Variants in AJAP1 observed in about 807,000 individuals in gnomAD.
AJAP1 encodes the protein adherens junctions associated protein 1, also known as adherens junction-associated protein 1.
In AJAP1, 5 loss-of-function variants were observed where a neutral mutation model predicts 35.0. The ratio of observed to expected loss-of-function variants is 0.14; its 90% CI spans 0.07 to 0.30. The LOEUF is 0.30. AJAP1 is among the 10% of genes least tolerant of loss of function. The pLI is 1.00. For missense variants in AJAP1, 586 were observed against 571.0 expected, an observed-to-expected ratio of 1.03 and a Z score of -0.27; for synonymous variants, 284 against 249.3, an observed-to-expected ratio of 1.14 and a Z score of -1.31.
intron 2 of AJAP1, among the ~76,000 whole-genome samples, chr1:4,758,674 G>A (rs564073998): frequency 6.6e-6 from 1 of 152,184 alleles, no homozygotes; most frequent in Admixed American, 6.5e-5. Context: ...GATGAGATTT[G>A]GGTGGGGACA....
intron 1 of AJAP1, among the ~76,000 whole-genome samples, chr1:4,691,788 C>T (rs1639745446): frequency 1.3e-5 from 2 of 152,090 alleles, no homozygotes; most frequent in South Asian, 2.1e-4. Flanking sequence ...GTGGTGAAAA[C>T]GTGTGTGGGG....
chr1:4,751,395 C>T (rs1641317774), intron 2 of AJAP1, among the ~76,000 whole-genome samples: 1 of 152,202 alleles, frequency 6.6e-6, no homozygotes, highest in South Asian at 2.1e-4. Context: ...TAGGAGCTAG[C>T]AGAGAGGTCC....
At chr1:4,704,936 T>TG (rs1334149945) in intron 1 of AJAP1, among the ~76,000 whole-genome samples, 3 of 152,272 alleles carry the variant, frequency 2.0e-5, no homozygotes, top group East Asian at 3.8e-4. Context: ...CATGTGTTTT[T>TG]TGGCTGCATA....
At chr1:4,728,605 C>T (rs1424207186) in intron 2 of AJAP1, among the ~76,000 whole-genome samples, 1 of 152,208 alleles carries the variant, frequency 6.6e-6, no homozygotes, top group Non-Finnish European at 1.5e-5. Flanking sequence ...GTGGGAGCAG[C>T]TCCTGAATAA....
At chr1:4,769,618 G>T (rs1384817260) in intron 2 of AJAP1, among the ~76,000 whole-genome samples, 1 of 151,930 alleles carries the variant, frequency 6.6e-6, no homozygotes, top group South Asian at 2.1e-4. Flanking sequence ...GAAGGAGAGA[G>T]CCCAGAGCTG....
At chr1:4,664,249 C>T (rs1389841830) in intron 1 of AJAP1, among the ~76,000 whole-genome samples, 1 of 152,186 alleles carries the variant, frequency 6.6e-6, no homozygotes, top group African/African-American at 2.4e-5. Context: ...TAGAAGAACA[C>T]TTTGGATTGG....
intron 3 of AJAP1, among the ~76,000 whole-genome samples, chr1:4,770,946 G>C (rs1570222922): frequency 1.3e-5 from 2 of 152,074 alleles, no homozygotes. Context: ...GAACAACACG[G>C]AGCTCACAGT....
At chr1:4,687,738 C>T (rs1639640773) in intron 1 of AJAP1, among the ~76,000 whole-genome samples, 1 of 152,188 alleles carries the variant, frequency 6.6e-6, no homozygotes, top group Non-Finnish European at 1.5e-5. Context: ...GGAGTCAGCC[C>T]AGGCAGAACG....
intron 1 of AJAP1, among the ~76,000 whole-genome samples, chr1:4,662,704 G>A (rs1639027396): frequency 6.6e-6 from 1 of 152,258 alleles, no homozygotes; most frequent in South Asian, 2.1e-4. Flanking sequence ...CAGCTCTGGG[G>A]TGGGATAGGC....
intron 2 of AJAP1, among the ~76,000 whole-genome samples, chr1:4,761,008 C>G (rs1025002475): frequency 4.6e-5 from 7 of 152,198 alleles, no homozygotes; most frequent in African/African-American, 1.7e-4. Context: ...CCGAAGGGTG[C>G]TGTTGGGTGA....
chr1:4,715,444 G>A lies in AJAP1; in HGVS notation c.829+2745G>A, dbSNP rs913418815. 2.6e-5 allele frequency among the ~76,000 whole-genome samples: 4 copies of A among 152,348 alleles called. No homozygotes were observed. The South Asian group carries it at 8.3e-4, about 32-fold the overall frequency. On this transcript the variant is annotated intron_variant, in intron 2 of 5. Coordinates refer to ENST00000378191, the MANE Select transcript of AJAP1 (RefSeq NM_018836.4). ...CTCACGCCTATAATCCCGACATTGG[G>A]AGGCTGAGGCGGATGGATCACCTGA...
chr1:4,778,907 T>C (rs1641992745), intron 5 of AJAP1, among the ~76,000 whole-genome samples: 2 of 152,148 alleles, frequency 1.3e-5, no homozygotes, highest in Non-Finnish European at 2.9e-5. Context: ...TCCGGTGTTT[T>C]GATTCCCTAC....
chr1:4,744,865 A>T (rs1306913423), intron 2 of AJAP1, among the ~76,000 whole-genome samples: 1 of 152,150 alleles, frequency 6.6e-6, no homozygotes, highest in Non-Finnish European at 1.5e-5. Context: ...AGTGTGACAG[A>T]CAAGCAGAGG....
intron 2 of AJAP1, among the ~76,000 whole-genome samples, chr1:4,752,559 A>C (rs1456015430): frequency 6.6e-6 from 1 of 152,090 alleles, no homozygotes; most frequent in East Asian, 1.9e-4. Flanking sequence ...TATGGAGTTT[A>C]AATTAAATCA....
At chr1:4,705,095 C>T (rs1314775666) in intron 1 of AJAP1, among the ~76,000 whole-genome samples, 2 of 152,054 alleles carry the variant, frequency 1.3e-5, no homozygotes, top group Admixed American at 6.5e-5. Context: ...AATTTTCTCC[C>T]ATTTTGTAGG....
In AJAP1 at chr1:4,785,848, T is replaced by G. The variant is rs915908522; in HGVS notation, c.*3363T>G. The G allele has an allele frequency of 6.6e-6, 1 of 152,214 alleles. No individual in the cohort carries two copies. Among genetic ancestry groups the G allele is most frequent in the African/African-American group, 2.4e-5 (1 of 41,456 alleles). The allele number at this position is 152,214 out of a possible 1,614,324, so 9.4% of individuals were successfully genotyped here. A position where few individuals can be genotyped will look rare whatever the true frequency, so the allele number is the denominator to read the frequency against. ...CCAGTTTTCGTCCACTTCCATCTTATTCCTCGGAGATCCCGCAATTGCAAA... is the reference window on the plus strand; with the variant it reads ...CCAGTTTTCGTCCACTTCCATCTTAGTCCTCGGAGATCCCGCAATTGCAAA... On this transcript the variant is annotated 3_prime_UTR_variant, in exon 6 of 6. Coordinates refer to ENST00000378191, the MANE Select transcript of AJAP1 (RefSeq NM_018836.4).
At position 4,791,160 on chromosome 1, in the gene AJAP1, G is replaced by A. The variant is rs1332730216; in HGVS notation, c.*8675G>A. 1 of 152,132 alleles carries A rather than the reference G, an allele frequency of 6.6e-6. No homozygotes were observed. The highest frequency in any genetic ancestry group is 1.5e-5 in the Non-Finnish European group (1 of 68,032). The allele number at this position is 152,132 out of a possible 1,614,324, so 9.4% of individuals were successfully genotyped here. On this transcript the variant is annotated 3_prime_UTR_variant, in exon 6 of 6. Transcript: ENST00000378191. The stretch of plus-strand genomic sequence containing the variant: ...TTTACTAACTGACTCTTGGTACCCG[G>A]ATTGTTGAGAGGTGAGTGGGACTAA...
chr1:4,733,440 A>G (rs923383975), intron 2 of AJAP1, among the ~76,000 whole-genome samples: 3 of 149,700 alleles, frequency 2.0e-5, no homozygotes, highest in Non-Finnish European at 1.5e-5. Context: ...TCATTCATTC[A>G]TTCATTCAGC....
At position 4,692,392 on chromosome 1, in the gene AJAP1, C is replaced by T. The variant is rs1451006472; in HGVS notation, c.30-19508C>T. On this transcript the variant is annotated intron_variant, in intron 1 of 5. Coordinates refer to ENST00000378191, the MANE Select transcript of AJAP1 (RefSeq NM_018836.4). This position sits in a 1 kb window ranked among gnomAD's most constrained non-coding sequence, Gnocchi z 4.4. Reference sequence around the variant, plus strand: ...CTGCAGGAGAGGCTGGGGGGCACGTCTGAGGGTGCAGCAGAGGGATATAGC... The same window carrying T: ...CTGCAGGAGAGGCTGGGGGGCACGTTTGAGGGTGCAGCAGAGGGATATAGC... Among the ~76,000 whole-genome samples, 2 of 152,140 alleles carry T rather than the reference C, an allele frequency of 1.3e-5. No individual in the cohort carries two copies. Among genetic ancestry groups the T allele is most frequent in the Non-Finnish European group, 2.9e-5 (2 of 68,020 alleles).
Sources: gnomAD v4.1 joint callset for allele counts (sites outside exome capture counted in the v4.1 genomes callset) on GRCh38, gnomAD v4.1.1 for gene constraint, Gnocchi (gnomAD v3.1) non-coding constraint, MANE v1.5 for transcripts, NCBI Gene and HGNC (gene_info 2026-07-23, HGNC 2026-07-21) for gene names.